The following CEP128 variants were observed in gnomAD, a reference collection of about 807,000 sequenced individuals.
The protein encoded by CEP128 is centrosomal protein 128kDa.
Under a neutral mutation model 156.7 loss-of-function variants are expected in CEP128, and 132 were observed. The ratio of observed to expected loss-of-function variants is 0.84; its 90% CI spans 0.73 to 0.97. The LOEUF (loss-of-function observed/expected upper bound fraction) is 0.97. Among genes scored for constraint, CEP128 ranks in the 50% least tolerant of loss-of-function variants. The probability of loss-of-function intolerance (pLI) is 0.00; values close to 1 mark genes in which losing one functional copy is unlikely to be tolerated. For missense variants in CEP128, 1,252 were observed against 1,281.9 expected, an observed-to-expected ratio of 0.98 and a Z score of 0.36; for synonymous variants, 469 against 448.9, an observed-to-expected ratio of 1.04 and a Z score of -0.57.
downstream of CEP128, among the ~76,000 whole-genome samples, chr14:80,488,052 C>A (rs761360686): frequency 1.3e-4 from 20 of 148,640 alleles, no homozygotes; most frequent in East Asian, 2.0e-4. Context: ...GAAATAGAGA[C>A]ACAAAAAACC....
At chr14:80,590,407 AATGCTC>A (rs1163349156) in intron 19 of CEP128, among the ~76,000 whole-genome samples, 1 of 152,100 alleles carries the variant, frequency 6.6e-6, no homozygotes, top group Non-Finnish European at 1.5e-5. Flanking sequence ...ATAATAATAA[AATGCTC>A]ATTAGAAACC....
intron 21 of CEP128, among the ~76,000 whole-genome samples, chr14:80,552,786 A>G (rs1890263130): frequency 6.6e-6 from 1 of 152,186 alleles, no homozygotes; most frequent in Non-Finnish European, 1.5e-5. Context: ...TTAGGCAATA[A>G]GATTTGGACA....
intron 17 of CEP128, among the ~76,000 whole-genome samples, chr14:80,759,480 C>T (rs937148232): frequency 6.6e-6 from 1 of 152,152 alleles, no homozygotes; most frequent in Non-Finnish European, 1.5e-5. Flanking sequence ...ATCTTTACCA[C>T]ACCCCTGGGT....
chr14:80,733,413 C>T (rs1463746730), intron 19 of CEP128, among the ~76,000 whole-genome samples: 2 of 151,074 alleles, frequency 1.3e-5, no homozygotes, highest in African/African-American at 4.9e-5. Context: ...TACATAGAAA[C>T]ACACCCTATT....
chr14:80,621,468 T>A (rs893925462), intron 19 of CEP128, among the ~76,000 whole-genome samples: 3 of 152,156 alleles, frequency 2.0e-5, no homozygotes, highest in African/African-American at 7.2e-5. Context: ...GATAATTGTA[T>A]CAGTGGTTCA....
intron 19 of CEP128, among the ~76,000 whole-genome samples, chr14:80,726,931 A>C (rs114813020): frequency 0.021 from 3,200 of 152,296 alleles, 121 homozygotes; most frequent in African/African-American, 0.072. Flanking sequence ...GGCAATTTCT[A>C]AGTGCTCCTG....
chr14:80,940,849 A>T (rs1030775592), intron 1 of CEP128, among the ~76,000 whole-genome samples: 27 of 152,216 alleles, frequency 1.8e-4, no homozygotes, highest in African/African-American at 5.3e-4. Flanking sequence ...TTTGTATTAG[A>T]CAACACTAAT....
chr14:80,682,665 A>G (rs1006777680), intron 19 of CEP128, among the ~76,000 whole-genome samples: 1 of 152,216 alleles, frequency 6.6e-6, no homozygotes, highest in Non-Finnish European at 1.5e-5. Context: ...GATTAATGCT[A>G]AAGAAAAAGT....
In CEP128 at chr14:80,696,527, T is replaced by C. The variant is rs915339985; in HGVS notation, c.2806+46548A>G. ...GCGTAAAAAGAGCTGATAAAGGAGGTTGGAAAATGTTTAGAAATGCACTTA... is the reference window on the plus strand; with the variant it reads ...GCGTAAAAAGAGCTGATAAAGGAGGCTGGAAAATGTTTAGAAATGCACTTA... On this transcript the variant is annotated intron_variant, in intron 19 of 24. Transcript: ENST00000555265. 4.6e-5 allele frequency among the ~76,000 whole-genome samples: 7 copies of C among 151,714 alleles called. No individual in the cohort carries two copies. In the East Asian group the frequency reaches 7.8e-4, roughly 17 times the overall value.
intron 13 of CEP128, among the ~76,000 whole-genome samples, chr14:80,820,193 T>C (rs984095434): frequency 6.6e-6 from 1 of 152,226 alleles, no homozygotes; most frequent in African/African-American, 2.4e-5. Context: ...GAAGTTGTTT[T>C]TGATAACTCC....
chr14:80,588,713 T>C (rs961193373), intron 19 of CEP128, among the ~76,000 whole-genome samples: 3 of 152,176 alleles, frequency 2.0e-5, no homozygotes, highest in Non-Finnish European at 4.4e-5. Context: ...AGCTCAGCTC[T>C]ATTCAAAGTG....
At chr14:80,704,078 G>A (rs965086286) in intron 19 of CEP128, among the ~76,000 whole-genome samples, 4 of 152,018 alleles carry the variant, frequency 2.6e-5, no homozygotes, top group Admixed American at 2.0e-4. Context: ...TAACAAGAAA[G>A]ATACTTATGT....
intron 19 of CEP128, among the ~76,000 whole-genome samples, chr14:80,646,160 C>T (rs921914731): frequency 4.6e-5 from 7 of 152,018 alleles, no homozygotes; most frequent in African/African-American, 9.7e-5. Flanking sequence ...ACCTACAGAA[C>T]GTAAAACGCC....
intron 24 of CEP128, among the ~76,000 whole-genome samples, chr14:80,498,226 TCTCC>T (rs1385906830): frequency 6.6e-6 from 1 of 152,094 alleles, no homozygotes; most frequent in African/African-American, 2.4e-5. Flanking sequence ...CTCTAATGAC[TCTCC>T]CTATCAATTT....
downstream of CEP128, among the ~76,000 whole-genome samples, chr14:80,486,312 T>A (rs537469753): frequency 3.3e-5 from 5 of 151,768 alleles, no homozygotes; most frequent in East Asian, 9.7e-4. Context: ...GAAGGGAAGT[T>A]TAGAGAAAAA....
intron 1 of CEP128, among the ~76,000 whole-genome samples, chr14:80,959,216 G>A (rs1394408179): frequency 6.6e-6 from 1 of 151,998 alleles, no homozygotes; most frequent in Non-Finnish European, 1.5e-5. Context: ...AGGGAGAGCT[G>A]GGATCCCTAC....
intron 19 of CEP128, among the ~76,000 whole-genome samples, chr14:80,687,196 C>A (rs1000424755): frequency 1.6e-4 from 25 of 152,064 alleles, no homozygotes; most frequent in African/African-American, 4.6e-4. Context: ...TCAGCAAATG[C>A]AAAAGAACTG....
At chr14:80,603,681 T>G (rs538019979) in intron 19 of CEP128, among the ~76,000 whole-genome samples, 1 of 152,300 alleles carries the variant, frequency 6.6e-6, no homozygotes, top group South Asian at 2.1e-4. Context: ...TTCATCATTA[T>G]TATTTCATCA....
intron 8 of CEP128, among the ~76,000 whole-genome samples, chr14:80,865,912 C>T (rs1887747542): frequency 1.3e-5 from 2 of 152,144 alleles, no homozygotes; most frequent in African/African-American, 4.8e-5. Flanking sequence ...ATGCAGCCTG[C>T]AAGTGACCCA....
Sources: gnomAD v4.1 joint callset for allele counts (sites outside exome capture counted in the v4.1 genomes callset) on GRCh38, gnomAD v4.1.1 for gene constraint, MANE v1.5 for transcripts, NCBI Gene and HGNC (gene_info 2026-07-23, HGNC 2026-07-21) for gene names.